Variants in GRIK5 observed in about 807,000 individuals in gnomAD.
The protein encoded by GRIK5 is glutamate receptor ionotropic, kainate 5.
In GRIK5, 43 loss-of-function variants were observed where a neutral mutation model predicts 97.4. The observed-to-expected ratio is 0.44, with a 90% CI of 0.35 to 0.57. The LOEUF (loss-of-function observed/expected upper bound fraction) is 0.57. Ranked by LOEUF, GRIK5 falls within the 20% of genes least tolerant of loss-of-function variation. The pLI is 0.01. For synonymous variants in GRIK5, 580 were observed against 583.5 expected (o/e 0.99, Z 0.09); for missense variants, 1,015 against 1,382.0 (o/e 0.73, Z 4.21).
At chr19:42,025,702 C>T (rs1049524686) in intron 12 of GRIK5, among the ~76,000 whole-genome samples, 2 of 152,196 alleles carry the variant, frequency 1.3e-5, no homozygotes, top group Admixed American at 6.5e-5. Context: ...CCACTGCCCA[C>T]ACCCGCCCAG....
At chr19:42,015,781 T>C (rs1372182207) in intron 15 of GRIK5, among the ~76,000 whole-genome samples, 1 of 152,054 alleles carries the variant, frequency 6.6e-6, no homozygotes, top group Non-Finnish European at 1.5e-5. Context: ...CCCTCTGTCC[T>C]CCCTCCTGGC....
chr19:42,038,147 G>A (rs934244102), intron 12 of GRIK5, among the ~76,000 whole-genome samples: 1 of 152,222 alleles, frequency 6.6e-6, no homozygotes, highest in Admixed American at 6.5e-5. Flanking sequence ...TCTATTGGAG[G>A]ACAAGCTGGG....
rs1555871129 is a variant in GRIK5, at chr19:42,002,330, A to G, written c.2514+1002T>C. Reference sequence around the variant, plus strand: ...TCAGGAGAGGGTTTAAGACTGGAGAAATGACAGCATATTTGTACGTTGGTG... The same window carrying G: ...TCAGGAGAGGGTTTAAGACTGGAGAGATGACAGCATATTTGTACGTTGGTG... On this transcript the variant is annotated intron_variant, in intron 19 of 19. Coordinates refer to ENST00000593562, the MANE Select transcript of GRIK5 (RefSeq NM_002088.5). This position sits in a 1 kb window ranked among gnomAD's most constrained non-coding sequence, Gnocchi z 5.2. 1 of 717,616 alleles carries G rather than the reference A, an allele frequency of 1.4e-6. No individual in the cohort carries two copies. Among genetic ancestry groups the G allele is most frequent in the South Asian group, 1.5e-5 (1 of 67,598 alleles). The allele number at this position is 717,616 out of a possible 1,614,324, so 44.5% of individuals were successfully genotyped here. A position where few individuals can be genotyped will look rare whatever the true frequency, so the allele number is the denominator to read the frequency against.
chr19:42,048,352 T>A (rs944752079), intron 11 of GRIK5, among the ~76,000 whole-genome samples: 1 of 152,244 alleles, frequency 6.6e-6, no homozygotes, highest in Non-Finnish European at 1.5e-5. Context: ...CTGGGCGCAG[T>A]GGCTCACGCC....
chr19:42,028,237 GA>G (rs2075795598), intron 12 of GRIK5, among the ~76,000 whole-genome samples: 1 of 150,442 alleles, frequency 6.6e-6, no homozygotes, highest in Non-Finnish European at 1.5e-5. Context: ...ATGAAATCAG[GA>G]AGAATTTGAA....
At position 42,059,490 on chromosome 19, in the gene GRIK5, G is replaced by A. The variant is rs1210514287; in HGVS notation, c.546C>T (p.Leu182=). The A allele has an allele frequency of 6.2e-7, 1 of 1,613,612 alleles. No homozygotes were observed. The change falls in exon 6 of 20, where the codon CTC becomes CTT. Residue 182 remains leucine (L), a synonymous_variant. Transcript: ENST00000593562. ...LRLEELVRGF[L]ISKETLSVRM... ...TCACTGACAGCGTCTCCTTGGAGAT[G>A]AGGAAGCCACGCACCAGTTCCTCCA...
chr19:42,063,151 C>T, intron 3 of GRIK5: 1 of 492,888 alleles, frequency 2.0e-6, no homozygotes, highest in African/African-American at 1.9e-5. Context: ...GCCTACAAAG[C>T]CTGTGCCTAG....
chr19:42,023,372 C>T (rs994497386), intron 12 of GRIK5, among the ~76,000 whole-genome samples: 1 of 152,134 alleles, frequency 6.6e-6, no homozygotes, highest in African/African-American at 2.4e-5. Context: ...GCATAGGGAG[C>T]TTCCATCCCC....
At chr19:42,047,972 C>CAAAAAAAAAA (rs552963887) in intron 11 of GRIK5, among the ~76,000 whole-genome samples, 2 of 54,930 alleles carry the variant, frequency 3.6e-5, no homozygotes, top group African/African-American at 7.8e-5. Context: ...GACTCTGTCT[C>CAAAAAAAAAA]AAAAAAAAAA....
intron 11 of GRIK5, among the ~76,000 whole-genome samples, chr19:42,046,052 C>A (rs1280808596): frequency 2.0e-5 from 3 of 152,134 alleles, no homozygotes; most frequent in African/African-American, 4.8e-5. Flanking sequence ...TCCCATACAG[C>A]CCCCTTGACA....
In GRIK5 at chr19:41,999,524, G is replaced by T. The variant is rs530979554; in HGVS notation, c.2515-225C>A. Reference sequence around the variant, plus strand: ...AATGTCTCCATTCTACTCTGCGTTTGTTCCTGAATCTGCCCTTCACCTTCC... The same window carrying T: ...AATGTCTCCATTCTACTCTGCGTTTTTTCCTGAATCTGCCCTTCACCTTCC... On this transcript the variant is annotated intron_variant, in intron 19 of 19. Transcript: ENST00000593562. This position sits in a 1 kb window ranked among gnomAD's most constrained non-coding sequence, Gnocchi z 5.0. 3.3e-5 allele frequency among the ~76,000 whole-genome samples: 5 copies of T among 152,142 alleles called. No homozygotes were observed. In the South Asian group the frequency reaches 8.3e-4, roughly 25 times the overall value.
intron 11 of GRIK5, among the ~76,000 whole-genome samples, chr19:42,046,969 C>T (rs949625962): frequency 4.6e-5 from 7 of 152,080 alleles, no homozygotes; most frequent in African/African-American, 1.7e-4. Context: ...CTCACTAGAA[C>T]CTCTGCCTCC....
intron 11 of GRIK5, among the ~76,000 whole-genome samples, chr19:42,049,667 G>A (rs1417461494): frequency 6.6e-6 from 1 of 152,206 alleles, no homozygotes; most frequent in African/African-American, 2.4e-5. Flanking sequence ...GGGACAGCTG[G>A]TTGGTTACAC....
chr19:42,008,129 C>T (rs407096), intron 15 of GRIK5, among the ~76,000 whole-genome samples: 131,990 of 151,932 alleles, frequency 0.87, 57,480 homozygotes, highest in East Asian at 0.89. Flanking sequence ...GTGATTCTCC[C>T]GCCTCAGCTT....
At chr19:42,059,620 A>G in intron 5 of GRIK5, 93 bp from the exon 6 acceptor site, 1 of 1,083,352 alleles carries the variant, frequency 9.2e-7, no homozygotes, top group Non-Finnish European at 1.3e-6. Context: ...GCAGCTGGGC[A>G]GAGGACTGGA....
chr19:42,020,406 T>A (rs1186446749), intron 15 of GRIK5, among the ~76,000 whole-genome samples: 5 of 152,222 alleles, frequency 3.3e-5, no homozygotes, highest in Non-Finnish European at 7.3e-5. Context: ...TGGGGCTGAT[T>A]CCTCACCTGA....
At position 42,021,769 on chromosome 19, in the gene GRIK5, C is replaced by T. The variant is rs1345639681; in HGVS notation, c.1697+178G>A. On this transcript the variant is annotated intron_variant, in intron 14 of 19. Coordinates refer to ENST00000593562, the MANE Select transcript of GRIK5 (RefSeq NM_002088.5). The surrounding 1 kb of genome is among the most constrained non-coding windows in gnomAD (Gnocchi z 4.2). ...GAACCACAGAGCACAGTCAGAGCCA[C>T]AAGGGGAAGAATGAGACTCAGACAC... Among the ~76,000 whole-genome samples, 1 of 151,998 alleles carries T rather than the reference C, an allele frequency of 6.6e-6. No homozygotes were observed. Among genetic ancestry groups the T allele is most frequent in the Non-Finnish European group, 1.5e-5 (1 of 68,006 alleles).
intron 15 of GRIK5, among the ~76,000 whole-genome samples, chr19:42,016,977 C>T (rs1018573622): frequency 3.3e-5 from 5 of 152,018 alleles, no homozygotes; most frequent in African/African-American, 1.2e-4. Context: ...CCAAAATCTC[C>T]AGAAATGCAC....
In GRIK5 at chr19:42,062,825, G is replaced by A; in HGVS notation, c.275C>T (p.Ser92Phe). 1 of 1,613,952 alleles carries A rather than the reference G, an allele frequency of 6.2e-7. No individual in the cohort carries two copies. The highest frequency in any genetic ancestry group is 8.5e-7 in the Non-Finnish European group (1 of 1,179,806). The change falls in exon 4 of 20, where the codon TCT (serine) becomes TTT (phenylalanine). Residue 92 changes from serine (S) to phenylalanine (F), a missense_variant. By Grantham distance (155) the Ser-to-Phe change is radical. Transcript: ENST00000593562. This position sits in a 1 kb window ranked among gnomAD's most constrained non-coding sequence, Gnocchi z 5.3. ...TGGGCTAGAGGAGGGCCCAAGGACA[G>A]ACACAACCCCTTTGGGTAAGATCTG... ...MCQILPKGVV[S>F]VLGPSSSPAS...
Sources: gnomAD v4.1 joint callset for allele counts (sites outside exome capture counted in the v4.1 genomes callset) on GRCh38, gnomAD v4.1.1 for gene constraint, Gnocchi (gnomAD v3.1) non-coding constraint, MANE v1.5 for transcripts, NCBI Gene and HGNC (gene_info 2026-07-23, HGNC 2026-07-21) for gene names.